IRX4: variants seen among roughly 807,000 people sequenced by gnomAD.
IRX4 encodes the protein iroquois-class homeodomain protein IRX-4.
IRX4 carries 22 observed loss-of-function variants against 32.0 expected under a neutral mutation model. The observed-to-expected ratio is 0.69, with a 90% CI of 0.49 to 0.98. The LOEUF (loss-of-function observed/expected upper bound fraction) is 0.98, where lower values mean the gene tolerates loss of function less well. IRX4 is among the 50% of genes least tolerant of loss of function. The pLI, the probability that IRX4 is intolerant of heterozygous loss-of-function variation, is 0.00. For synonymous variants in IRX4, 379 were observed against 351.7 expected (o/e 1.08, Z -0.87); for missense variants, 840 against 744.2 (o/e 1.13, Z -1.50).
chr5:1,882,147 G>T, intron 1 of IRX4, 88 bp from the exon 2 acceptor site: 2 of 1,452,744 alleles, frequency 1.4e-6, no homozygotes, highest in Non-Finnish European at 1.8e-6. Flanking sequence ...CGCCCACGAG[G>T]GCGTGCCCCG....
Position 1,878,607 on chromosome 5 carries a change from G to C in IRX4, c.922C>G (p.Leu308Val). 1.3e-6 allele frequency: 2 copies of C among 1,562,560 alleles called. No individual in the cohort carries two copies. The highest frequency in any genetic ancestry group is 8.7e-7 in the Non-Finnish European group (1 of 1,154,610). ...KEASGALRMS[L>V]AAGGGAALDE... ...AGAGCAGCTCCGCCACCCGCGGCCA[G>C]AGACATCCGGAGCGCGCCTGAGGCC... The change falls in exon 5 of 5, where the codon CTG (leucine) becomes GTG (valine). Residue 308 changes from leucine (L) to valine (V), a missense_variant. By Grantham distance (32) the Leu-to-Val change is conservative (BLOSUM62 1). Coordinates refer to ENST00000231357, the MANE Select transcript of IRX4 (RefSeq NM_016358.3).
Position 1,882,636 on chromosome 5 carries a change from C to A in IRX4, c.12G>T (p.Pro4=). The A allele has an allele frequency of 7.1e-7, 1 of 1,415,656 alleles. No homozygotes were observed. The highest frequency in any genetic ancestry group is 9.2e-7 in the Non-Finnish European group (1 of 1,086,408). 87.7% of individuals were successfully genotyped at this position (1,415,656 alleles called of 1,614,324 possible). The change falls in exon 1 of 5, where the codon CCG becomes CCT. Residue 4 remains proline (P), a synonymous_variant. Coordinates refer to ENST00000231357, the MANE Select transcript of IRX4 (RefSeq NM_016358.3). Reference sequence around the variant, plus strand: ...CCGAGGAGTAGGGGTATCCAAACTGCGGGTAGGACATGGCGGGCGCGGCCC... The same window carrying A: ...CCGAGGAGTAGGGGTATCCAAACTGAGGGTAGGACATGGCGGGCGCGGCCC... MSY[P]QFGYPYSSAP... is the part of the protein sequence containing the mutation.
chr5:1,886,480 G>A (rs934548463), upstream of IRX4, among the ~76,000 whole-genome samples: 3 of 152,232 alleles, frequency 2.0e-5, no homozygotes, highest in East Asian at 1.9e-4. Context: ...AGGTTGGCAG[G>A]TCATTTCCTC....
upstream of IRX4, among the ~76,000 whole-genome samples, chr5:1,883,608 C>T (rs1227542328): frequency 6.6e-6 from 1 of 152,230 alleles, no homozygotes; most frequent in Non-Finnish European, 1.5e-5. Context: ...GGCCCGAGGG[C>T]TGTAGGGCCG....
At chr5:1,883,995 C>G (rs1278897540), upstream of IRX4, 1 of 152,274 alleles carries the variant, frequency 6.6e-6, no homozygotes, top group Non-Finnish European at 1.5e-5. Context: ...CTGGGGCGCA[C>G]GGAGCAATCG....
chr5:1,881,849 AGTT>A lies in IRX4; in HGVS notation c.253_255del (p.Asn85del). 6.3e-7 allele frequency: 1 copy of A among 1,579,940 alleles called. No homozygotes were observed. The highest frequency in any genetic ancestry group is 8.6e-7 in the Non-Finnish European group (1 of 1,163,274). ...GACGCCTCCGAGCCGTAGGTCACGT[AGTT>A]GCCATAGCCCTGCGATCCGCCATAG... On this transcript the variant is annotated inframe_deletion, in exon 2 of 5. Coordinates refer to ENST00000231357, the MANE Select transcript of IRX4 (RefSeq NM_016358.3).
chr5:1,883,749 C>T (rs1735537812), upstream of IRX4, among the ~76,000 whole-genome samples: 1 of 152,246 alleles, frequency 6.6e-6, no homozygotes, highest in African/African-American at 2.4e-5. Flanking sequence ...CCCGACTTTC[C>T]TCCCCGATCC....
chr5:1,879,478 C>A (rs1478120146), intron 4 of IRX4, 26 bp downstream of exon 4: 1 of 1,612,762 alleles, frequency 6.2e-7, no homozygotes, highest in South Asian at 1.1e-5. Context: ...AGGGCCTCAG[C>A]CCCCAGTGAC....
intron 3 of IRX4, chr5:1,880,187 G>A (rs1465930650): frequency 9.0e-6 from 13 of 1,446,816 alleles, no homozygotes; most frequent in Non-Finnish European, 1.2e-5. Context: ...CACACCCTGA[G>A]ATGTAACACG....
chr5:1,881,077 G>GGGGGGGGGGGGGGGGGGGA, intron 2 of IRX4: 1 of 337,070 alleles, frequency 3.0e-6, no homozygotes, highest in Non-Finnish European at 5.4e-6. Context: ...GGGCGGGGGG[G>GGGGGGGGGGGGGGGGGGGA]AGGAGGTGCA....
chr5:1,880,724 C>G lies in IRX4; in HGVS notation c.407+1G>C. The stretch of plus-strand genomic sequence containing the variant: ...GCTGGTTAGGAGGGGTGGGTCCTCA[C>G]CTGTCATAGGGGTACTGGCCCAGAG... On this transcript the variant is annotated splice_donor_variant, in intron 3 of 4. Coordinates refer to ENST00000231357, the MANE Select transcript of IRX4 (RefSeq NM_016358.3). LOFTEE classifies it high-confidence loss of function. The G allele has an allele frequency of 6.2e-7, 1 of 1,608,884 alleles. No individual in the cohort carries two copies. The highest frequency in any genetic ancestry group is 8.5e-7 in the Non-Finnish European group (1 of 1,175,474).
chr5:1,879,201 C>T (rs920130350), intron 4 of IRX4, among the ~76,000 whole-genome samples: 1 of 152,140 alleles, frequency 6.6e-6, no homozygotes, highest in Non-Finnish European at 1.5e-5. Flanking sequence ...CCGTGTTAGC[C>T]AGGATGGTCT....
upstream of IRX4, among the ~76,000 whole-genome samples, chr5:1,886,127 G>T (rs915718716): frequency 6.6e-6 from 1 of 152,260 alleles, no homozygotes; most frequent in African/African-American, 2.4e-5. Context: ...CTATTTTGAC[G>T]GGGTTACCGT....
rs1316376149 is a variant in IRX4 at position 1,877,982 on chromosome 5, G to A, written c.1547C>T (p.Pro516Leu). Residue 516 changes from proline to leucine, a missense_variant, in exon 5 of 5, where the codon CCC becomes CTC. Physicochemically the swap from Pro to Leu is moderately conservative, Grantham distance 98. This residue lies in a region of IRX4 where 585 missense variants were observed against 488.0 expected (regional missense o/e 1.20). Coordinates refer to ENST00000231357, the MANE Select transcript of IRX4 (RefSeq NM_016358.3). The stretch of plus-strand genomic sequence containing the variant: ...GACCCGCCCGCCTCAGGCGCAGAAG[G>A]GTTTGCCGCCGGCCTTGGGCAGGGC... Reference protein sequence around the residue: ...LLALPKAGGKPFCA With the variant: ...LLALPKAGGKLFCA The A allele has an allele frequency of 1.1e-5, 16 of 1,502,666 alleles. No individual in the cohort carries two copies. Among genetic ancestry groups the A allele is most frequent in the Admixed American group, 4.2e-5 (2 of 47,178 alleles). The allele number at this position is 1,502,666 out of a possible 1,614,324, so 93.1% of individuals were successfully genotyped here.
chr5:1,877,781 G>T lies in IRX4; in HGVS notation c.*188C>A. 1.7e-6 allele frequency: 1 copy of T among 589,032 alleles called. No homozygotes were observed. Among genetic ancestry groups the T allele is most frequent in the South Asian group, 2.3e-5 (1 of 44,258 alleles). 36.5% of individuals were successfully genotyped at this position (589,032 alleles called of 1,614,324 possible). On this transcript the variant is annotated 3_prime_UTR_variant, in exon 5 of 5. Coordinates refer to ENST00000231357, the MANE Select transcript of IRX4 (RefSeq NM_016358.3). ...GGCCCGGTCAGGCTCAGGCCCAGGC[G>T]GTGGAGGCCCCGGCGTGGCAGCGCC... is the stretch of plus-strand genomic sequence containing the variant.
chr5:1,884,514 G>C (rs907507490), upstream of IRX4: 3 of 152,260 alleles, frequency 2.0e-5, no homozygotes, highest in Non-Finnish European at 4.4e-5. Flanking sequence ...CGTTGGACCG[G>C]AGCGGGCCAC....
intron 2 of IRX4, chr5:1,881,228 G>A (rs2111444858): frequency 1.3e-5 from 3 of 222,230 alleles, no homozygotes; most frequent in Non-Finnish European, 1.7e-5. Context: ...AAGTGGGGAG[G>A]AAAAAGGGGT....
chr5:1,881,122 T>G (rs1579253123), intron 2 of IRX4: 11 of 404,950 alleles, frequency 2.7e-5, no homozygotes, highest in Admixed American at 8.2e-5. Context: ...AGGAGGAAGT[T>G]GGAGGGAAGC....
In IRX4 at chr5:1,878,228, C is replaced by G; in HGVS notation, c.1301G>C (p.Ser434Thr). 6.2e-7 allele frequency: 1 copy of G among 1,605,732 alleles called. No individual in the cohort carries two copies. Among genetic ancestry groups the G allele is most frequent in the South Asian group, 1.1e-5 (1 of 89,408 alleles). ...LDRHQDSPVT[S>T]LRNWVDGVFH... ...GACCCCGTCCACCCAGTTTCTGAGA[C>G]TGGTTACCGGGGAGTCCTGGTGCCT... is the stretch of plus-strand genomic sequence containing the variant. Residue 434 changes from serine (S) to threonine (T), a missense_variant, in exon 5 of 5, where the codon AGT (serine) becomes ACT (threonine). This residue lies in a region of IRX4 where 585 missense variants were observed against 488.0 expected (regional missense o/e 1.20). Coordinates refer to ENST00000231357, the MANE Select transcript of IRX4 (RefSeq NM_016358.3).
Sources: gnomAD v4.1 joint callset for allele counts (sites outside exome capture counted in the v4.1 genomes callset) on GRCh38, gnomAD v4.1.1 for gene constraint, gnomAD v4.1.1 regional missense constraint, MANE v1.5 for transcripts, NCBI Gene and HGNC (gene_info 2026-07-23, HGNC 2026-07-21) for gene names.